IVNS1ABP: variants seen among roughly 807,000 people sequenced by gnomAD.
The protein encoded by IVNS1ABP is influenza virus NS1A-binding protein.
IVNS1ABP carries 25 observed loss-of-function variants against 78.9 expected under a neutral mutation model. The ratio of observed to expected loss-of-function variants is 0.32; its 90% CI spans 0.23 to 0.44. The LOEUF (loss-of-function observed/expected upper bound fraction) is 0.44. IVNS1ABP is among the 20% of genes least tolerant of loss of function. The pLI is 1.00. For missense variants in IVNS1ABP, 494 were observed against 768.9 expected (o/e 0.64, Z 4.23); for synonymous variants, 241 against 259.7 (o/e 0.93, Z 0.69).
intron 5 of IVNS1ABP, chr1:185,308,063 GT>G (rs1558118294): frequency 6.5e-7 from 1 of 1,544,132 alleles, no homozygotes; most frequent in Middle Eastern, 1.7e-4. Flanking sequence ...CTAGGAAATA[GT>G]TTTGGAAAGA....
rs1665816042 is a variant in IVNS1ABP, at chr1:185,309,032, T to C, written c.252A>G (p.Glu84=). The change falls in exon 4 of 15, where the codon GAA becomes GAG. Residue 84 remains glutamate, a synonymous_variant. Coordinates refer to ENST00000367498, the MANE Select transcript of IVNS1ABP (RefSeq NM_006469.5). ...CAGTGTAGGCATAATTCAACAAGAC[T>C]TCAACAGCTTCTGGATTGAGATCAT... ...KFDDLNPEAV[E]VLLNYAYTAQ... The C allele has an allele frequency of 1.2e-6, 2 of 1,612,346 alleles. No individual in the cohort carries two copies. Among genetic ancestry groups the C allele is most frequent in the East Asian group, 4.5e-5 (2 of 44,852 alleles).
chr1:185,298,144 G>T lies in IVNS1ABP; in HGVS notation c.1820C>A (p.Thr607Asn). Reference sequence around the variant, plus strand: ...ATCGAATCCTCCCACTGCATAAATGGTGTTCCCTACAGTTGCAATCCCAGC... The same window carrying T: ...ATCGAATCCTCCCACTGCATAAATGTTGTTCCCTACAGTTGCAATCCCAGC... ...SNAGIATVGN[T>N]IYAVGGFDGN... Residue 607 changes from threonine (T) to asparagine (N), a missense_variant, in exon 15 of 15, where the codon ACC becomes AAC. Coordinates refer to ENST00000367498, the MANE Select transcript of IVNS1ABP (RefSeq NM_006469.5). The surrounding 1 kb of genome is among the most constrained non-coding windows in gnomAD (Gnocchi z 4.1). 2 of 1,613,808 alleles carry T rather than the reference G, an allele frequency of 1.2e-6. No homozygotes were observed. Among genetic ancestry groups the T allele is most frequent in the Non-Finnish European group, 1.7e-6 (2 of 1,179,844 alleles).
chr1:185,316,735 G>A (rs1203594237), intron 1 of IVNS1ABP, among the ~76,000 whole-genome samples: 1 of 152,180 alleles, frequency 6.6e-6, no homozygotes, highest in Non-Finnish European at 1.5e-5. Context: ...GGCCGCCAAC[G>A]CAACTTGGCA....
intron 11 of IVNS1ABP, 33 bp from the exon 12 acceptor site, chr1:185,300,376 C>T (rs1329367419): frequency 4.3e-6 from 7 of 1,613,240 alleles, no homozygotes; most frequent in Non-Finnish European, 5.1e-6. Flanking sequence ...GAATTTCTAA[C>T]ATCCTGAAGT....
chr1:185,314,344 T>C (rs146590051), intron 1 of IVNS1ABP, among the ~76,000 whole-genome samples: 157 of 152,286 alleles, frequency 1.0e-3, no homozygotes, highest in African/African-American at 3.5e-3. Context: ...GGAATGCTCA[T>C]ATCATAACAC....
chr1:185,298,501 AG>A lies in IVNS1ABP; in HGVS notation c.1676-214del. The A allele has an allele frequency of 1.8e-6, 1 of 552,554 alleles. No homozygotes were observed. Among genetic ancestry groups the A allele is most frequent in the Middle Eastern group, 4.8e-4 (1 of 2,104 alleles). 34.2% of individuals were successfully genotyped at this position (552,554 alleles called of 1,614,324 possible). A position where few individuals can be genotyped will look rare whatever the true frequency, so the allele number is the denominator to read the frequency against. On this transcript the variant is annotated intron_variant, in intron 14 of 14. Transcript: ENST00000367498. The surrounding 1 kb of genome is among the most constrained non-coding windows in gnomAD (Gnocchi z 4.1). ...AAAAAACCATTCCCACGTGGAACTT[AG>A]GCAACTTAAAAGGGGGAGGGAGAGG... is the stretch of plus-strand genomic sequence containing the variant.
rs201694578 is a variant in IVNS1ABP at position 185,299,850 on chromosome 1, C to T, written c.1535G>A (p.Gly512Asp). 6.2e-7 allele frequency: 1 copy of T among 1,613,694 alleles called. No homozygotes were observed. The highest frequency in any genetic ancestry group is 8.5e-7 in the Non-Finnish European group (1 of 1,179,816). ...TGCACCTCCGATTATGTACAAATAA[C>T]CACCAAGCTCACAGACTGCAGACTG... ...RHQSAVCELG[G>D]YLYIIGGAES... Residue 512 changes from glycine to aspartate, a missense_variant, in exon 14 of 15, where the codon GGT becomes GAT. Coordinates refer to ENST00000367498, the MANE Select transcript of IVNS1ABP (RefSeq NM_006469.5).
intron 1 of IVNS1ABP, among the ~76,000 whole-genome samples, chr1:185,313,803 C>T (rs1665946384): frequency 6.6e-6 from 1 of 152,184 alleles, no homozygotes; most frequent in African/African-American, 2.4e-5. Flanking sequence ...TTTTCTTACA[C>T]ATTTAAAATT....
In IVNS1ABP at chr1:185,308,723, G is replaced by A. The variant is rs994214218; in HGVS notation, c.357+77C>T. ...TTCAAGTCCTTGAAACTAACAAGAT[G>A]TTTTATGACAAATTCAGCATTGCAA... On this transcript the variant is annotated intron_variant, in intron 5 of 14. Coordinates refer to ENST00000367498, the MANE Select transcript of IVNS1ABP (RefSeq NM_006469.5). The A allele has an allele frequency of 2.8e-5, 30 of 1,074,282 alleles. No homozygotes were observed. The African/African-American group carries it at 3.0e-4, about 11-fold the overall frequency. 66.5% of individuals were successfully genotyped at this position (1,074,282 alleles called of 1,614,324 possible). A position where few individuals can be genotyped will look rare whatever the true frequency, so the allele number is the denominator to read the frequency against.
chr1:185,300,412 T>C, intron 11 of IVNS1ABP, 25 bp downstream of exon 11: 1 of 1,613,528 alleles, frequency 6.2e-7, no homozygotes. Flanking sequence ...AAATAGGGGT[T>C]GCTCCTGCAA....
chr1:185,302,020 C>T (rs1032728965), intron 8 of IVNS1ABP, among the ~76,000 whole-genome samples: 4 of 151,938 alleles, frequency 2.6e-5, no homozygotes, highest in Non-Finnish European at 4.4e-5. Context: ...GCCAGCAAAA[C>T]GTAAGCAGAT....
intron 6 of IVNS1ABP, among the ~76,000 whole-genome samples, 162 bp downstream of exon 6, chr1:185,307,327 A>G (rs1665764778): frequency 1.3e-5 from 2 of 152,212 alleles, no homozygotes; most frequent in South Asian, 4.1e-4. Flanking sequence ...ATCAAAAACA[A>G]AGTAAACAAA....
Position 185,300,028 on chromosome 1 carries a change from A to G in IVNS1ABP, c.1472T>C (p.Leu491Ser), listed in dbSNP as rs1558114646. Residue 491 changes from leucine to serine, a missense_variant, in exon 13 of 15, where the codon TTG (leucine) becomes TCG (serine). By Grantham distance (145) the Leu-to-Ser change is moderately radical. Transcript: ENST00000367498. ...GTTAAGAGGGGCACAGCTTGTCCAC[A>G]ACTTTGTTACAGGATCAAATACATC... Reference protein sequence around the residue: ...NCDVFDPVTKLWTSCAPLNIR... With the variant: ...NCDVFDPVTKSWTSCAPLNIR... 1 of 1,613,366 alleles carries G rather than the reference A, an allele frequency of 6.2e-7. No homozygotes were observed. Among genetic ancestry groups the G allele is most frequent in the Non-Finnish European group, 8.5e-7 (1 of 1,179,716 alleles).
chr1:185,307,178 G>T, intron 6 of IVNS1ABP, 39 bp from the exon 7 acceptor site: 1 of 1,606,006 alleles, frequency 6.2e-7, no homozygotes. Context: ...TCAGTGTTGG[G>T]CTCCTAGTTC....
intron 1 of IVNS1ABP, among the ~76,000 whole-genome samples, chr1:185,316,036 G>T (rs1007284896): frequency 6.6e-6 from 1 of 152,162 alleles, no homozygotes; most frequent in African/African-American, 2.4e-5. Flanking sequence ...CTCAAGTAGT[G>T]GTTCAAGTTA....
chr1:185,303,128 CA>C (rs1447636883), intron 8 of IVNS1ABP, among the ~76,000 whole-genome samples: 1 of 151,926 alleles, frequency 6.6e-6, no homozygotes, highest in Non-Finnish European at 1.5e-5. Context: ...CCAAATATCA[CA>C]AATGGATGAT....
chr1:185,306,503 C>T (rs761780796), intron 7 of IVNS1ABP: 1 of 1,289,564 alleles, frequency 7.8e-7, no homozygotes, highest in Non-Finnish European at 1.0e-6. Context: ...CATCATCGTT[C>T]TCTGCCCACA....
chr1:185,301,645 C>CG, intron 8 of IVNS1ABP, 82 bp from the exon 9 acceptor site: 1 of 1,463,936 alleles, frequency 6.8e-7, no homozygotes, highest in Non-Finnish European at 9.5e-7. Context: ...TTCCACAACA[C>CG]TGAGTATCCT....
In IVNS1ABP at chr1:185,311,196, T is replaced by G; in HGVS notation, c.-120A>C. ...TCGTCAGGGTATGAAGACAGGTGGTTGAAATGAAGGCAGGTGTGTCTTAAG... is the reference window on the plus strand; with the variant it reads ...TCGTCAGGGTATGAAGACAGGTGGTGGAAATGAAGGCAGGTGTGTCTTAAG... On this transcript the variant is annotated 5_prime_UTR_variant, in exon 2 of 15. Coordinates refer to ENST00000367498, the MANE Select transcript of IVNS1ABP (RefSeq NM_006469.5). 1 of 393,020 alleles carries G rather than the reference T, an allele frequency of 2.5e-6. No homozygotes were observed. Among genetic ancestry groups the G allele is most frequent in the Non-Finnish European group, 4.5e-6 (1 of 222,216 alleles). 24.3% of individuals were successfully genotyped at this position (393,020 alleles called of 1,614,324 possible).
Sources: gnomAD v4.1 joint callset for allele counts (sites outside exome capture counted in the v4.1 genomes callset) on GRCh38, gnomAD v4.1.1 for gene constraint, Gnocchi (gnomAD v3.1) non-coding constraint, MANE v1.5 for transcripts, NCBI Gene and HGNC (gene_info 2026-07-23, HGNC 2026-07-21) for gene names.